Variants in KLF12 observed in about 807,000 individuals in gnomAD.
The protein encoded by KLF12 is Krueppel-like factor 12.
A neutral mutation model predicts 37.8 loss-of-function variants in KLF12; 9 were observed. The observed-to-expected ratio is 0.24, with a 90% CI of 0.14 to 0.42. KLF12 has a LOEUF of 0.42. Among genes scored for constraint, KLF12 ranks in the 10% least tolerant of loss-of-function variants. KLF12 has a pLI of 1.00. For missense variants in KLF12, 411 were observed against 516.0 expected (o/e 0.80, Z 1.97); for synonymous variants, 208 against 202.1 (o/e 1.03, Z -0.25).
At chr13:74,009,813 T>C (rs1410985372) in intron 1 of KLF12, among the ~76,000 whole-genome samples, 1 of 152,178 alleles carries the variant, frequency 6.6e-6, no homozygotes, top group Non-Finnish European at 1.5e-5. Context: ...TTCTCAAGTT[T>C]TAACCAGGAG....
intron 3 of KLF12, among the ~76,000 whole-genome samples, chr13:73,852,388 T>A (rs2138732407): frequency 6.6e-6 from 1 of 152,256 alleles, no homozygotes; most frequent in South Asian, 2.1e-4. Context: ...AACCTGGAAT[T>A]TGGTTTGAAT....
At chr13:73,703,979 T>C (rs1874740033) in intron 7 of KLF12, among the ~76,000 whole-genome samples, 1 of 152,222 alleles carries the variant, frequency 6.6e-6, no homozygotes, top group East Asian at 1.9e-4. Context: ...TGAACTTTAG[T>C]GTAAGTAAAA....
intron 1 of KLF12, among the ~76,000 whole-genome samples, chr13:74,050,134 C>G (rs1872816737): frequency 6.6e-6 from 1 of 151,548 alleles, no homozygotes; most frequent in African/African-American, 2.4e-5. Context: ...GACACTTCTA[C>G]AAGATTTCAG....
intron 1 of KLF12, among the ~76,000 whole-genome samples, chr13:74,095,322 G>A (rs1875911851): frequency 6.6e-6 from 1 of 151,976 alleles, no homozygotes; most frequent in Admixed American, 6.6e-5. Flanking sequence ...TAGAATCCTC[G>A]AGGAATAAAA....
intron 5 of KLF12, among the ~76,000 whole-genome samples, chr13:73,805,790 T>C (rs762826202): frequency 6.6e-6 from 1 of 152,128 alleles, no homozygotes. Context: ...TAATTTAATA[T>C]AGCTGAGGCA....
chr13:74,274,846 CAT>C, the KLF12 span, among the ~76,000 whole-genome samples: 1 of 152,130 alleles, frequency 6.6e-6, no homozygotes, highest in African/African-American at 2.4e-5. Context: ...TACTTTGGCA[CAT>C]GTTACAAATA....
chr13:74,008,033 G>A (rs756402120), intron 1 of KLF12, among the ~76,000 whole-genome samples: 17 of 152,014 alleles, frequency 1.1e-4, no homozygotes, highest in Non-Finnish European at 1.9e-4. Flanking sequence ...ATGACCAGCT[G>A]GAAAGGGATA....
At chr13:73,773,516 C>T (rs1180146208) in intron 5 of KLF12, among the ~76,000 whole-genome samples, 2 of 152,208 alleles carry the variant, frequency 1.3e-5, no homozygotes, top group African/African-American at 4.8e-5. Flanking sequence ...CCAGGAGTTA[C>T]CCTGGTCTGA....
At chr13:73,946,852 A>G (rs941107546) in intron 2 of KLF12, among the ~76,000 whole-genome samples, 4 of 152,258 alleles carry the variant, frequency 2.6e-5, no homozygotes, top group African/African-American at 9.6e-5. Flanking sequence ...AGCGTTCAGT[A>G]TCACAGCATG....
chr13:73,735,150 A>G (rs1404356877), intron 6 of KLF12, among the ~76,000 whole-genome samples: 1 of 122,958 alleles, frequency 8.1e-6, no homozygotes, highest in African/African-American at 2.9e-5. Context: ...AAAAAAAAAA[A>G]GCCAGCTATT....
chr13:73,725,873 T>G (rs1303416677), intron 6 of KLF12, among the ~76,000 whole-genome samples: 2 of 147,744 alleles, frequency 1.4e-5, no homozygotes, highest in African/African-American at 2.6e-5. Context: ...ATTTATTTAT[T>G]TATTTATTTT....
chr13:74,209,541 C>CACAG, the KLF12 span, among the ~76,000 whole-genome samples: 1 of 151,778 alleles, frequency 6.6e-6, no homozygotes, highest in Non-Finnish European at 1.5e-5. Flanking sequence ...CACACACACA[C>CACAG]ACACACACAC....
At chr13:73,822,209 A>C (rs905287552) in intron 4 of KLF12, among the ~76,000 whole-genome samples, 1 of 152,240 alleles carries the variant, frequency 6.6e-6, no homozygotes, top group Non-Finnish European at 1.5e-5. Flanking sequence ...CATTTGTGAG[A>C]GAAAAGTCAC....
At chr13:73,770,506 T>C (rs1880197776) in intron 5 of KLF12, among the ~76,000 whole-genome samples, 1 of 151,170 alleles carries the variant, frequency 6.6e-6, no homozygotes, top group African/African-American at 2.4e-5. Flanking sequence ...TTAAATATTA[T>C]ATACAATTAA....
At chr13:74,063,615 T>C (rs1053086537) in intron 1 of KLF12, among the ~76,000 whole-genome samples, 1 of 152,130 alleles carries the variant, frequency 6.6e-6, no homozygotes, top group African/African-American at 2.4e-5. Context: ...TACCACTACA[T>C]GTACTCAGCA....
At chr13:74,223,637 G>C in the KLF12 span, among the ~76,000 whole-genome samples, 1 of 152,158 alleles carries the variant, frequency 6.6e-6, no homozygotes, top group African/African-American at 2.4e-5. Context: ...GGTCCAAAAA[G>C]CTCAGGGCAG....
chr13:74,127,059 G>A (rs970164625), intron 1 of KLF12, among the ~76,000 whole-genome samples: 3 of 152,082 alleles, frequency 2.0e-5, no homozygotes, highest in African/African-American at 7.2e-5. Context: ...GGAGTGCATT[G>A]GCTCAATTGA....
chr13:74,260,324 G>A, the KLF12 span, among the ~76,000 whole-genome samples: 4 of 151,994 alleles, frequency 2.6e-5, no homozygotes, highest in African/African-American at 9.7e-5. Context: ...GGGAGGCTGA[G>A]GCAGAAGAAT....
At chr13:74,264,376 C>G in the KLF12 span, among the ~76,000 whole-genome samples, 1 of 151,980 alleles carries the variant, frequency 6.6e-6, no homozygotes, top group African/African-American at 2.4e-5. Flanking sequence ...ATGAGGTATC[C>G]AAAAAATAAA....
Sources: allele counts gnomAD v4.1 joint callset (sites outside exome capture counted in the v4.1 genomes callset), GRCh38; gene constraint gnomAD v4.1.1; transcripts MANE v1.5; gene names NCBI Gene and HGNC (gene_info 2026-07-23, HGNC 2026-07-21).